Variants in TTC33 observed in about 807,000 individuals in gnomAD.
TTC33 encodes tetratricopeptide repeat protein 33.
In TTC33, 24 loss-of-function variants were observed where a neutral mutation model predicts 29.4. The observed-to-expected ratio is 0.82, with a 90% CI of 0.59 to 1.15. The LOEUF (loss-of-function observed/expected upper bound fraction) is 1.15, where lower values mean the gene tolerates loss of function less well. Ranked by LOEUF, TTC33 falls within the 50% of genes most tolerant of loss-of-function variation. The pLI is 0.00. For synonymous variants in TTC33, 107 were observed against 100.3 expected, an observed-to-expected ratio of 1.07 and a Z score of -0.40; for missense variants, 286 against 310.4, an observed-to-expected ratio of 0.92 and a Z score of 0.59.
intron 2 of TTC33, among the ~76,000 whole-genome samples, chr5:40,734,509 C>T (rs1156385318): frequency 1.3e-5 from 2 of 152,168 alleles, no homozygotes; most frequent in Non-Finnish European, 2.9e-5. Flanking sequence ...TGGACTACAA[C>T]AGGGCAGGAT....
chr5:40,725,214 T>C (rs1467580424), intron 4 of TTC33, among the ~76,000 whole-genome samples: 1 of 151,126 alleles, frequency 6.6e-6, no homozygotes, highest in Non-Finnish European at 1.5e-5. Context: ...TCCAAACTCC[T>C]GGCCTCAAGC....
At chr5:40,716,665 G>A (rs1015861099) in intron 4 of TTC33, among the ~76,000 whole-genome samples, 167 bp from the exon 5 acceptor site, 19 of 152,010 alleles carry the variant, frequency 1.2e-4, no homozygotes, top group African/African-American at 3.6e-4. Flanking sequence ...CTAAACACTG[G>A]GGAAAAAAAT....
intron 2 of TTC33, among the ~76,000 whole-genome samples, chr5:40,744,580 A>T (rs905282802): frequency 1.3e-5 from 2 of 151,146 alleles, no homozygotes; most frequent in African/African-American, 4.9e-5. Context: ...CTTCAACACC[A>T]CATGGAAGAT....
At chr5:40,738,506 A>G (rs1345221035) in intron 2 of TTC33, among the ~76,000 whole-genome samples, 1 of 137,106 alleles carries the variant, frequency 7.3e-6, no homozygotes, top group East Asian at 2.1e-4. Flanking sequence ...ATACAATACA[A>G]TAAAATACAA....
Position 40,714,630 on chromosome 5 carries a change from T to C in TTC33, c.*1515A>G, listed in dbSNP as rs1741963415. On this transcript the variant is annotated 3_prime_UTR_variant, in exon 5 of 5. Coordinates refer to ENST00000337702, the MANE Select transcript of TTC33 (RefSeq NM_012382.3). ...AAAATAAAATAATTAACATATTTTT[T>C]GGAGCACTCTGAAACTAACCTCTCT... The C allele has an allele frequency of 6.6e-6, 1 of 152,204 alleles. No homozygotes were observed. The highest frequency in any genetic ancestry group is 2.4e-5 in the African/African-American group (1 of 41,452). The allele number at this position is 152,204 out of a possible 1,614,324, so 9.4% of individuals were successfully genotyped here. A position where few individuals can be genotyped will look rare whatever the true frequency, so the allele number is the denominator to read the frequency against.
intron 1 of TTC33, among the ~76,000 whole-genome samples, chr5:40,753,517 C>G (rs1319646598): frequency 6.6e-6 from 1 of 152,066 alleles, no homozygotes; most frequent in Non-Finnish European, 1.5e-5. Context: ...AATGCAAACT[C>G]TCTCCCCAGG....
chr5:40,745,265 T>C (rs1472446784), intron 2 of TTC33, among the ~76,000 whole-genome samples: 1 of 151,996 alleles, frequency 6.6e-6, no homozygotes, highest in African/African-American at 2.4e-5. Context: ...ATATTAGATA[T>C]AAAATTGTTA....
At chr5:40,723,790 G>A (rs1409321239) in intron 4 of TTC33, among the ~76,000 whole-genome samples, 4 of 151,306 alleles carry the variant, frequency 2.6e-5, no homozygotes, top group Non-Finnish European at 2.9e-5. Context: ...ACTCGAACCC[G>A]GGAGGCAGAG....
At chr5:40,726,616 G>GA (rs11352584) in intron 4 of TTC33, among the ~76,000 whole-genome samples, 2 of 148,138 alleles carry the variant, frequency 1.4e-5, no homozygotes, top group African/African-American at 4.9e-5. Context: ...CATATCAACA[G>GA]AAAAAAAAAA....
At position 40,746,772 on chromosome 5, in the gene TTC33, A is replaced by AT. The variant is rs750741136; in HGVS notation, c.221+25dup. Reference sequence around the variant, plus strand: ...AGCTAGAAAATGTAAGCTCTTCTCCATAAAAAAAAAACTTTAAATACATAC... The same window carrying AT: ...AGCTAGAAAATGTAAGCTCTTCTCCATTAAAAAAAAAACTTTAAATACATAC... On this transcript the variant is annotated intron_variant, in intron 2 of 4. Transcript: ENST00000337702. 5 of 1,522,732 alleles carry AT rather than the reference A, an allele frequency of 3.3e-6. No homozygotes were observed. The Admixed American group carries it at 5.7e-5, about 17-fold the overall frequency. The allele number at this position is 1,522,732 out of a possible 1,614,324, so 94.3% of individuals were successfully genotyped here.
At chr5:40,726,417 A>C (rs1383611675) in intron 4 of TTC33, among the ~76,000 whole-genome samples, 1 of 151,704 alleles carries the variant, frequency 6.6e-6, no homozygotes, top group Non-Finnish European at 1.5e-5. Flanking sequence ...GCTTGCTTTC[A>C]ATATATTTTA....
chr5:40,738,995 C>A (rs1742634067), intron 2 of TTC33, among the ~76,000 whole-genome samples: 1 of 152,142 alleles, frequency 6.6e-6, no homozygotes, highest in Non-Finnish European at 1.5e-5. Context: ...CAGCCTGTGG[C>A]CTGACTTTTC....
intron 2 of TTC33, among the ~76,000 whole-genome samples, chr5:40,733,221 G>C (rs892904945): frequency 2.0e-5 from 3 of 152,148 alleles, no homozygotes; most frequent in African/African-American, 4.8e-5. Context: ...TAAGAACCTG[G>C]ATGTTTGAGG....
chr5:40,734,009 G>A (rs963253846), intron 2 of TTC33, among the ~76,000 whole-genome samples: 4 of 152,158 alleles, frequency 2.6e-5, no homozygotes, highest in African/African-American at 9.7e-5. Context: ...CATAACCATT[G>A]CTGCCAGCAG....
rs772511372 is a variant in TTC33 at position 40,712,824 on chromosome 5, C to T, written c.*3321G>A. The stretch of plus-strand genomic sequence containing the variant: ...GTGAGAGGAAGCCATCCTTACCCGC[C>T]GCTGCCTTCTGACCAAAGTAGTTCA... On this transcript the variant is annotated 3_prime_UTR_variant, in exon 5 of 5. Coordinates refer to ENST00000337702, the MANE Select transcript of TTC33 (RefSeq NM_012382.3). 9.9e-5 allele frequency among the ~76,000 whole-genome samples: 15 copies of T among 152,112 alleles called. No individual in the cohort carries two copies. Among genetic ancestry groups the T allele is most frequent in the Non-Finnish European group, 1.6e-4 (11 of 68,020 alleles).
chr5:40,745,015 C>A (rs1002031553), intron 2 of TTC33, among the ~76,000 whole-genome samples: 1 of 152,124 alleles, frequency 6.6e-6, no homozygotes, highest in Admixed American at 6.6e-5. Context: ...ACAAGAAACA[C>A]ATGAGATAGA....
intron 1 of TTC33, among the ~76,000 whole-genome samples, chr5:40,750,869 T>C (rs1742882501): frequency 6.6e-6 from 1 of 152,220 alleles, no homozygotes; most frequent in African/African-American, 2.4e-5. Context: ...TTTCAAATTT[T>C]ATCATGAGAT....
chr5:40,730,902 TATA>T (rs1180160266), intron 2 of TTC33, among the ~76,000 whole-genome samples: 1 of 152,082 alleles, frequency 6.6e-6, no homozygotes, highest in Non-Finnish European at 1.5e-5. Context: ...TCTGATTATT[TATA>T]ATAATAATAA....
intron 2 of TTC33, among the ~76,000 whole-genome samples, chr5:40,730,679 C>G (rs1158436828): frequency 6.6e-6 from 1 of 152,140 alleles, no homozygotes. Flanking sequence ...TTCAGTTCAA[C>G]AGTTTTTTGG....
Sources: gnomAD v4.1 joint callset for allele counts (sites outside exome capture counted in the v4.1 genomes callset) on GRCh38, gnomAD v4.1.1 for gene constraint, MANE v1.5 for transcripts, NCBI Gene and HGNC (gene_info 2026-07-23, HGNC 2026-07-21) for gene names.